Variants in RLF observed in about 807,000 individuals in gnomAD.
RLF encodes RLF zinc finger, also known as zinc finger protein Rlf.
Under a neutral mutation model 162.9 loss-of-function variants are expected in RLF, and 7 were observed. The observed-to-expected ratio is 0.04, with a 90% CI of 0.02 to 0.08. RLF has a LOEUF of 0.08. Ranked by LOEUF, RLF falls within the 10% of genes least tolerant of loss-of-function variation. The probability of loss-of-function intolerance (pLI) is 1.00; values close to 1 mark genes in which losing one functional copy is unlikely to be tolerated. For synonymous variants in RLF, 782 were observed against 791.5 expected (o/e 0.99, Z 0.20); for missense variants, 1,664 against 2,244.7 (o/e 0.74, Z 5.23).
At chr1:40,209,877 T>TA (rs76437844) in intron 5 of RLF, among the ~76,000 whole-genome samples, 7,352 of 130,524 alleles carry the variant, frequency 0.056, 534 homozygotes, top group African/African-American at 0.18. Context: ...GACTCCGTCT[T>TA]AAAAAAAAAA....
At chr1:40,207,359 T>C (rs1642810025) in intron 5 of RLF, among the ~76,000 whole-genome samples, 1 of 152,244 alleles carries the variant, frequency 6.6e-6, no homozygotes, top group Non-Finnish European at 1.5e-5. Flanking sequence ...GAGGTCTTTT[T>C]GAATTTTAAA....
intron 5 of RLF, among the ~76,000 whole-genome samples, chr1:40,214,018 T>C (rs1398303390): frequency 6.6e-6 from 1 of 152,272 alleles, no homozygotes; most frequent in Non-Finnish European, 1.5e-5. Flanking sequence ...CTGTATCTAA[T>C]CTTGCCTTTT....
intron 1 of RLF, among the ~76,000 whole-genome samples, chr1:40,175,207 G>C (rs1221104617): frequency 7.0e-6 from 1 of 143,122 alleles, no homozygotes; most frequent in East Asian, 2.0e-4. Flanking sequence ...GGTGGGGGTG[G>C]GGGGGGGAGT....
intron 5 of RLF, among the ~76,000 whole-genome samples, chr1:40,205,485 CTTTTTTTTT>C (rs36038824): frequency 1.9e-5 from 2 of 107,060 alleles, no homozygotes; most frequent in East Asian, 5.6e-4. Flanking sequence ...TTCCTTCCTT[CTTTTTTTTT>C]TTTTTTTTTT....
chr1:40,236,357 A>G lies in RLF; in HGVS notation c.1655A>G (p.Gln552Arg). 1.2e-6 allele frequency: 2 copies of G among 1,614,030 alleles called. No homozygotes were observed. Among genetic ancestry groups the G allele is most frequent in the Non-Finnish European group, 8.5e-7 (1 of 1,179,996 alleles). The change falls in exon 8 of 8, where the codon CAG becomes CGG. Residue 552 changes from glutamine (Q) to arginine (R), a missense_variant. Gln to Arg is a conservative substitution (Grantham distance 43, BLOSUM62 1). Coordinates refer to ENST00000372771, the MANE Select transcript of RLF (RefSeq NM_012421.4). The surrounding 1 kb of genome is among the most constrained non-coding windows in gnomAD (Gnocchi z 7.7). ...GSSERYQRWLQYKFFCLLCKR... is the reference protein window; with the variant it reads ...GSSERYQRWLRYKFFCLLCKR... ...TCTGAAAGATATCAGAGGTGGCTTC[A>G]GTACAAGTTTTTCTGTTTGTTATGT...
At chr1:40,234,037 T>C (rs534170842) in intron 7 of RLF, among the ~76,000 whole-genome samples, 2 of 152,294 alleles carry the variant, frequency 1.3e-5, no homozygotes, top group South Asian at 4.1e-4. Flanking sequence ...CAACCTCCGC[T>C]TCCCAGGTTC....
At chr1:40,232,595 A>C (rs2124560165) in intron 7 of RLF, among the ~76,000 whole-genome samples, 1 of 152,316 alleles carries the variant, frequency 6.6e-6, no homozygotes, top group Non-Finnish European at 1.5e-5. Context: ...GCTGCCAATC[A>C]GGGTCTGTTC....
At chr1:40,187,948 A>C (rs968563808) in intron 1 of RLF, among the ~76,000 whole-genome samples, 1 of 152,214 alleles carries the variant, frequency 6.6e-6, no homozygotes, top group Non-Finnish European at 1.5e-5. Context: ...ACTCATGTTA[A>C]AGCTATCCTC....
chr1:40,205,646 T>C (rs779608390), intron 5 of RLF, among the ~76,000 whole-genome samples: 2 of 151,940 alleles, frequency 1.3e-5, no homozygotes, highest in Non-Finnish European at 2.9e-5. Flanking sequence ...CCCGCCACCA[T>C]GCCCGGCTAA....
chr1:40,180,968 A>G lies in RLF; in HGVS notation c.238-8087A>G, dbSNP rs111348435. On this transcript the variant is annotated intron_variant, in intron 1 of 7. Coordinates refer to ENST00000372771, the MANE Select transcript of RLF (RefSeq NM_012421.4). ...AGTCAAAAAATAGTTGCCAAATCCA[A>G]TGTAATGAAGCTATTTATCTATGTT... is the stretch of plus-strand genomic sequence containing the variant. 3.6e-3 allele frequency among the ~76,000 whole-genome samples: 554 copies of G among 152,340 alleles called. 3 individuals carry two copies. Among genetic ancestry groups the G allele is most frequent in the South Asian group, 0.027 (130 of 4,830 alleles).
At chr1:40,192,435 C>T (rs912369001) in intron 3 of RLF, among the ~76,000 whole-genome samples, 1 of 152,146 alleles carries the variant, frequency 6.6e-6, no homozygotes, top group Non-Finnish European at 1.5e-5. Flanking sequence ...GTGAGCATTT[C>T]TTTTGAGTAT....
intron 1 of RLF, among the ~76,000 whole-genome samples, chr1:40,166,231 A>G (rs1202604705): frequency 6.6e-6 from 1 of 152,074 alleles, no homozygotes; most frequent in Non-Finnish European, 1.5e-5. Context: ...AATTTGTTAA[A>G]TCAATTGTAG....
At chr1:40,201,277 T>G (rs1344886290) in intron 4 of RLF, among the ~76,000 whole-genome samples, 1 of 151,836 alleles carries the variant, frequency 6.6e-6, no homozygotes, top group African/African-American at 2.4e-5. Context: ...ACCTCTATTC[T>G]TTAAGTAATA....
chr1:40,224,425 C>T (rs1172668450), intron 6 of RLF, among the ~76,000 whole-genome samples: 1 of 149,550 alleles, frequency 6.7e-6, no homozygotes, highest in East Asian at 2.0e-4. Context: ...TACAGGTGCA[C>T]ACTGCCACGC....
chr1:40,231,943 C>G (rs931467432), intron 7 of RLF, among the ~76,000 whole-genome samples: 9 of 152,300 alleles, frequency 5.9e-5, no homozygotes, highest in Non-Finnish European at 1.2e-4. Flanking sequence ...CACGGTGGCT[C>G]AAGCCTGTAA....
chr1:40,186,487 G>T (rs61780445), intron 1 of RLF, among the ~76,000 whole-genome samples: 2 of 152,104 alleles, frequency 1.3e-5, no homozygotes, highest in Non-Finnish European at 2.9e-5. Flanking sequence ...AAATTGTGTA[G>T]CTTACAGAAG....
At chr1:40,221,682 C>T (rs1322573857) in intron 5 of RLF, among the ~76,000 whole-genome samples, 2 of 151,382 alleles carry the variant, frequency 1.3e-5, no homozygotes, top group Non-Finnish European at 2.9e-5. Context: ...GGGTGAATCA[C>T]GAGGTCTGGA....
intron 3 of RLF, among the ~76,000 whole-genome samples, chr1:40,194,377 G>A (rs1642600924): frequency 6.6e-6 from 1 of 152,132 alleles, no homozygotes; most frequent in African/African-American, 2.4e-5. Context: ...AGTGGCTCAT[G>A]CCTTTAATCT....
chr1:40,231,697 G>A, intron 7 of RLF, 39 bp downstream of exon 7: 6 of 1,545,920 alleles, frequency 3.9e-6, no homozygotes, highest in South Asian at 2.4e-5. Context: ...TGTAGCTGGA[G>A]GAAAGAAATG....
Sources: allele counts gnomAD v4.1 joint callset (sites outside exome capture counted in the v4.1 genomes callset), GRCh38; gene constraint gnomAD v4.1.1; non-coding constraint Gnocchi (gnomAD v3.1); transcripts MANE v1.5; gene names NCBI Gene and HGNC (gene_info 2026-07-23, HGNC 2026-07-21).